FER: variants seen among roughly 807,000 people sequenced by gnomAD.
FER encodes the protein FER tyrosine kinase, also known as tyrosine-protein kinase Fer.
In FER, 63 loss-of-function variants were observed where a neutral mutation model predicts 111.0. That is an observed-to-expected ratio of 0.57 (90% CI 0.46 to 0.70). The LOEUF is 0.70. FER is among the 30% of genes least tolerant of loss of function. FER has a pLI of 0.00. For missense variants in FER, 914 were observed against 954.0 expected (o/e 0.96, Z 0.55); for synonymous variants, 327 against 313.9 (o/e 1.04, Z -0.44).
chr5:108,863,903 GTTT>G, intron 5 of FER, among the ~76,000 whole-genome samples: 1 of 152,206 alleles, frequency 6.6e-6, no homozygotes, highest in South Asian at 2.1e-4. Flanking sequence ...AGTGATTCAA[GTTT>G]TTTTCTTTCT....
rs371972203 is a variant in FER, at chr5:108,798,379, A to G, written c.197A>G (p.Asn66Ser). Residue 66 changes from asparagine (N) to serine (S), a missense_variant, in exon 3 of 20, where the codon AAC (asparagine) becomes AGC (serine). By Grantham distance (46) the Asn-to-Ser change is conservative. Around this residue, in one of 3 missense-constraint regions of FER, gnomAD observed 774 missense variants for 782.6 expected, o/e 0.99. Transcript: ENST00000281092. ...ACTGTCCAAATGAATTATGTCAGCAACGTATCCAAGGTAAGAAGAATAATT... is the reference window on the plus strand; with the variant it reads ...ACTGTCCAAATGAATTATGTCAGCAGCGTATCCAAGGTAAGAAGAATAATT... ...ESTVQMNYVSNVSKSWLLMIQ... is the reference protein window; with the variant it reads ...ESTVQMNYVSSVSKSWLLMIQ... 9 of 1,611,108 alleles carry G rather than the reference A, an allele frequency of 5.6e-6. No homozygotes were observed. The Admixed American group carries it at 8.3e-5, about 15-fold the overall frequency.
intron 17 of FER, among the ~76,000 whole-genome samples, chr5:109,164,294 A>C (rs1335207747): frequency 6.6e-6 from 1 of 152,184 alleles, no homozygotes; most frequent in Non-Finnish European, 1.5e-5. Flanking sequence ...GATTGTTTTC[A>C]CATGGATAGA....
chr5:109,180,181 C>T (rs886070721), intron 17 of FER, among the ~76,000 whole-genome samples: 1 of 152,078 alleles, frequency 6.6e-6, no homozygotes, highest in African/African-American at 2.4e-5. Flanking sequence ...AGAGACAGGG[C>T]CAGATGCAGC....
At chr5:109,090,488 TACA>T (rs1247351135) in intron 16 of FER, among the ~76,000 whole-genome samples, 2 of 152,108 alleles carry the variant, frequency 1.3e-5, no homozygotes, top group African/African-American at 4.8e-5. Flanking sequence ...AAAATAAATT[TACA>T]GGCCAACCCC....
intron 10 of FER, among the ~76,000 whole-genome samples, chr5:108,928,814 G>C (rs928752474): frequency 1.3e-5 from 2 of 151,996 alleles, no homozygotes; most frequent in African/African-American, 2.4e-5. Context: ...GGGTGAGAGA[G>C]AATGAGGAGC....
chr5:109,024,832 A>C (rs889428880), intron 13 of FER, among the ~76,000 whole-genome samples: 1 of 151,930 alleles, frequency 6.6e-6, no homozygotes, highest in Admixed American at 6.6e-5. Context: ...TCAGCTTTCT[A>C]CATATGGCTA....
chr5:109,195,230 T>G lies in FER; in HGVS notation c.*7655T>G, dbSNP rs541270706. 9.2e-5 allele frequency: 14 copies of G among 152,276 alleles called. No homozygotes were observed. The highest frequency in any genetic ancestry group is 7.2e-4 in the Admixed American group (11 of 15,298). The allele number at this position is 152,276 out of a possible 1,614,324, so 9.4% of individuals were successfully genotyped here. On this transcript the variant is annotated 3_prime_UTR_variant, in exon 20 of 20. Transcript: ENST00000281092. ...GATAGGACTTTGAATATTTTCTCCTTAATTAAAGTACGTTGCTTGTATTTA... is the reference window on the plus strand; with the variant it reads ...GATAGGACTTTGAATATTTTCTCCTGAATTAAAGTACGTTGCTTGTATTTA...
intron 16 of FER, among the ~76,000 whole-genome samples, chr5:109,068,670 A>G (rs889968454): frequency 2.0e-5 from 3 of 152,208 alleles, no homozygotes; most frequent in East Asian, 1.9e-4. Flanking sequence ...GACTTTAAGC[A>G]TGCTACTTGA....
At position 108,859,139 on chromosome 5, in the gene FER, A is replaced by G. The variant is rs115701861; in HGVS notation, c.482-8628A>G. 6.1e-3 allele frequency among the ~76,000 whole-genome samples: 934 copies of G among 152,260 alleles called. 16 individuals are homozygous for G. Among genetic ancestry groups the G allele is most frequent in the African/African-American group, 0.022 (899 of 41,536 alleles). ...AGAAATGTATGAATGTTTTTTCTCCACATCCTCGCCAACAGAGTGTTTCTC... is the reference window on the plus strand; with the variant it reads ...AGAAATGTATGAATGTTTTTTCTCCGCATCCTCGCCAACAGAGTGTTTCTC... On this transcript the variant is annotated intron_variant, in intron 5 of 19. Transcript: ENST00000281092.
rs1039078632 is a variant in FER at position 109,195,389 on chromosome 5, C to G, written c.*7814C>G. 2 of 152,116 alleles carry G rather than the reference C, an allele frequency of 1.3e-5. No homozygotes were observed. The highest frequency in any genetic ancestry group is 2.9e-5 in the Non-Finnish European group (2 of 68,028). 9.4% of individuals were successfully genotyped at this position (152,116 alleles called of 1,614,324 possible). ...ACCTTAGATTCTAGACCTCTCATACCTGCAGTGTACAGAATATGTACATGT... is the reference window on the plus strand; with the variant it reads ...ACCTTAGATTCTAGACCTCTCATACGTGCAGTGTACAGAATATGTACATGT... On this transcript the variant is annotated 3_prime_UTR_variant, in exon 20 of 20. Transcript: ENST00000281092.
intron 4 of FER, 127 bp downstream of exon 4, chr5:108,833,070 T>C: frequency 2.9e-6 from 2 of 693,000 alleles, no homozygotes; most frequent in East Asian, 2.9e-5. Flanking sequence ...TTATGGTCTC[T>C]AATAAGTAAT....
intron 17 of FER, among the ~76,000 whole-genome samples, chr5:109,106,323 GTTGC>G (rs145555982): frequency 0.017 from 2,588 of 152,172 alleles, 59 homozygotes; most frequent in African/African-American, 0.059. Context: ...GCATTTTGTT[GTTGC>G]TTCTCTATTT....
chr5:108,845,452 G>A (rs911462683), intron 5 of FER, among the ~76,000 whole-genome samples: 6 of 151,842 alleles, frequency 4.0e-5, no homozygotes, highest in Non-Finnish European at 7.4e-5. Flanking sequence ...AAAGTGCTGG[G>A]GTTACAGGCA....
chr5:109,014,384 A>T (rs896357942), intron 13 of FER, among the ~76,000 whole-genome samples: 5 of 152,312 alleles, frequency 3.3e-5, no homozygotes, highest in Middle Eastern at 3.4e-3. Context: ...CAAAGATCAG[A>T]TAGTTGTAGA....
At chr5:109,091,633 C>T (rs1214728472) in intron 16 of FER, among the ~76,000 whole-genome samples, 18 of 152,180 alleles carry the variant, frequency 1.2e-4, no homozygotes, top group Non-Finnish European at 2.9e-5. Flanking sequence ...TGCAGGCACC[C>T]AGCCTCAACC....
intron 1 of FER, among the ~76,000 whole-genome samples, chr5:108,753,741 T>A (rs1056955037): frequency 6.6e-6 from 1 of 152,222 alleles, no homozygotes. Flanking sequence ...TATCCCTGTT[T>A]CAGATTGTGT....
intron 1 of FER, among the ~76,000 whole-genome samples, chr5:108,754,364 A>G (rs1208530001): frequency 6.7e-6 from 1 of 149,156 alleles, no homozygotes; most frequent in Admixed American, 6.8e-5. Context: ...CTATGATTGC[A>G]GCACTGTGCT....
chr5:109,167,046 T>G (rs1400840620), intron 17 of FER, among the ~76,000 whole-genome samples: 1 of 152,172 alleles, frequency 6.6e-6, no homozygotes, highest in Non-Finnish European at 1.5e-5. Flanking sequence ...ACCTTCAAAC[T>G]TGAAATTTTC....
At chr5:108,883,281 A>G in intron 8 of FER, 115 bp from the exon 9 acceptor site, 1 of 985,908 alleles carries the variant, frequency 1.0e-6, no homozygotes, top group South Asian at 2.7e-5. Context: ...TTTGAATCAG[A>G]TTATATGTGG....
Sources: gnomAD v4.1 joint callset for allele counts (sites outside exome capture counted in the v4.1 genomes callset) on GRCh38, gnomAD v4.1.1 for gene constraint, gnomAD v4.1.1 regional missense constraint, MANE v1.5 for transcripts, NCBI Gene and HGNC (gene_info 2026-07-23, HGNC 2026-07-21) for gene names.